The following UGT1A10 variants were observed in gnomAD, a reference collection of about 807,000 sequenced individuals.
The protein encoded by UGT1A10 is UDP-glucuronosyltransferase 1A10.
Under a neutral mutation model 45.8 loss-of-function variants are expected in UGT1A10, and 49 were observed. The ratio of observed to expected loss-of-function variants is 1.07; its 90% confidence interval spans 0.85 to 1.36. UGT1A10 has a LOEUF of 1.36. Among genes scored for constraint, UGT1A10 ranks in the 40% most tolerant of loss-of-function variants. The pLI is 0.00. For synonymous variants in UGT1A10, 284 were observed against 249.7 expected (o/e 1.14, Z -1.29); for missense variants, 745 against 668.6 (o/e 1.11, Z -1.26).
chr2:233,681,363 G>A (rs544380861), intron 1 of UGT1A10, among the ~76,000 whole-genome samples: 13 of 151,672 alleles, frequency 8.6e-5, no homozygotes, highest in South Asian at 2.1e-4. Context: ...GTGAAACCCC[G>A]TCTCCACTAA....
intron 1 of UGT1A10, chr2:233,682,246 A>T: frequency 6.2e-7 from 1 of 1,614,216 alleles, no homozygotes; most frequent in Non-Finnish European, 8.5e-7. Context: ...CACCATTGCG[A>T]AGTGCATTTT....
At chr2:233,717,463 G>T (rs374557809) in intron 1 of UGT1A10, among the ~76,000 whole-genome samples, 2 of 152,198 alleles carry the variant, frequency 1.3e-5, no homozygotes, top group African/African-American at 4.8e-5. Context: ...CCTGTCCCAT[G>T]GGTTGTGTCC....
At chr2:233,757,560 A>ATATATATATATG (rs904896556) in intron 1 of UGT1A10, among the ~76,000 whole-genome samples, 14 of 123,154 alleles carry the variant, frequency 1.1e-4, no homozygotes, top group African/African-American at 4.8e-4. Context: ...ATATATATAT[A>ATATATATATATG]TGTATATATG....
chr2:233,765,443 C>A (rs1381375490), intron 1 of UGT1A10, among the ~76,000 whole-genome samples: 1 of 152,114 alleles, frequency 6.6e-6, no homozygotes, highest in Non-Finnish European at 1.5e-5. Flanking sequence ...GGAATGAGAT[C>A]ATATTCTTTG....
chr2:233,682,234 G>C (rs776939121), intron 1 of UGT1A10: 2 of 1,614,164 alleles, frequency 1.2e-6, no homozygotes, highest in East Asian at 4.5e-5. Context: ...CTCGCTGGAC[G>C]GCACCATTGC....
intron 1 of UGT1A10, among the ~76,000 whole-genome samples, chr2:233,667,688 A>G (rs2074106522): frequency 6.6e-6 from 1 of 152,232 alleles, no homozygotes; most frequent in African/African-American, 2.4e-5. Flanking sequence ...TTTACAAGAA[A>G]AAATCAAACA....
At chr2:233,724,652 A>G (rs1267696968) in intron 1 of UGT1A10, among the ~76,000 whole-genome samples, 1 of 140,816 alleles carries the variant, frequency 7.1e-6, no homozygotes, top group Non-Finnish European at 1.5e-5. Flanking sequence ...GCGGCTGGGA[A>G]GAGGCGCTCC....
chr2:233,770,355 G>C (rs1271934216), intron 4 of UGT1A10: 2 of 152,122 alleles, frequency 1.3e-5, no homozygotes, highest in African/African-American at 4.8e-5. Flanking sequence ...ACTATTGAAT[G>C]AATGAATGAA....
intron 1 of UGT1A10, among the ~76,000 whole-genome samples, chr2:233,650,158 C>A (rs966673229): frequency 6.6e-6 from 1 of 152,064 alleles, no homozygotes; most frequent in African/African-American, 2.4e-5. Flanking sequence ...TTAGTAGAGG[C>A]AGGGTTTCTC....
intron 1 of UGT1A10, among the ~76,000 whole-genome samples, chr2:233,661,754 C>T (rs2073976268): frequency 6.7e-6 from 1 of 149,486 alleles, no homozygotes; most frequent in Admixed American, 6.7e-5. Context: ...CAGTCCTCAA[C>T]CTATGGTACA....
In UGT1A10 at chr2:233,648,301, G is replaced by A. The variant is rs2073653087; in HGVS notation, c.855+10924G>A. 11 of 567,920 alleles carry A rather than the reference G, an allele frequency of 1.9e-5. 1 individual carries two copies. Among genetic ancestry groups the A allele is most frequent in the South Asian group, 1.9e-4 (10 of 53,280 alleles). 35.2% of individuals were successfully genotyped at this position (567,920 alleles called of 1,614,324 possible). ...TCCTTTAGATATGTGTGGCTTAATT[G>A]TTGCCAAATATTTCTCCCTCCTCTC... On this transcript the variant is annotated intron_variant, in intron 1 of 4. Coordinates refer to ENST00000344644, the MANE Select transcript of UGT1A10 (RefSeq NM_019075.4).
intron 1 of UGT1A10, among the ~76,000 whole-genome samples, chr2:233,759,866 G>A (rs1362136524): frequency 6.6e-6 from 1 of 152,108 alleles, no homozygotes; most frequent in African/African-American, 2.4e-5. Flanking sequence ...CGAAAGCGGG[G>A]GTACAGTTGT....
intron 1 of UGT1A10, among the ~76,000 whole-genome samples, chr2:233,676,758 T>C (rs939918603): frequency 6.6e-6 from 1 of 152,174 alleles, no homozygotes; most frequent in South Asian, 2.1e-4. Flanking sequence ...ACTGGGTTTA[T>C]AGACTTTTGG....
chr2:233,723,609 T>C (rs2077104515), intron 1 of UGT1A10, among the ~76,000 whole-genome samples: 1 of 104,888 alleles, frequency 9.5e-6, no homozygotes. Context: ...GGGACAATAG[T>C]GGAGGGAAGG....
rs1201935304 is a variant in UGT1A10 at position 233,769,504 on chromosome 2, G to T, written c.1295+1065G>T. ...GCGTGTGTTTATGAGAGTGTCCATT[G>T]CTTTCTCCCATGGTTACCTCCTTTA... On this transcript the variant is annotated intron_variant, in intron 4 of 4. Transcript: ENST00000344644. This position sits in a 1 kb window ranked among gnomAD's most constrained non-coding sequence, Gnocchi z 4.4. The T allele has an allele frequency of 1.2e-6, 2 of 1,612,732 alleles. No homozygotes were observed. The highest frequency in any genetic ancestry group is 1.7e-4 in the Middle Eastern group (1 of 6,058).
chr2:233,768,207 T>G lies in UGT1A10; in HGVS notation c.1076-13T>G, dbSNP rs1370777582. ...GATGTAACTGCTGACATCCTCCCTA[T>G]TTTGCATCTCAGGTCACCCGATGAC... is the stretch of plus-strand genomic sequence containing the variant. On this transcript the variant is annotated splice_polypyrimidine_tract_variant and intron_variant, in intron 3 of 4. Transcript: ENST00000344644. 6.2e-7 allele frequency: 1 copy of G among 1,614,218 alleles called. No homozygotes were observed. The highest frequency in any genetic ancestry group is 1.1e-5 in the South Asian group (1 of 91,088).
chr2:233,690,425 C>T, intron 1 of UGT1A10: 1 of 1,246,722 alleles, frequency 8.0e-7, no homozygotes, highest in Non-Finnish European at 1.0e-6. Flanking sequence ...CCTTCATGCA[C>T]ATCTTTGGGT....
rs753189550 is a variant in UGT1A10 at position 233,672,277 on chromosome 2, G to A, written c.855+34900G>A. 64 of 1,613,694 alleles carry A rather than the reference G, an allele frequency of 4.0e-5. No individual in the cohort carries two copies. Among genetic ancestry groups the A allele is most frequent in the Non-Finnish European group, 5.0e-5 (59 of 1,179,804 alleles). ...TTCTCTATTAATGGGTTCATACAAT[G>A]ACATTTTTGACTTATTTTTTTCAAA... is the stretch of plus-strand genomic sequence containing the variant. On this transcript the variant is annotated intron_variant, in intron 1 of 4. Coordinates refer to ENST00000344644, the MANE Select transcript of UGT1A10 (RefSeq NM_019075.4).
chr2:233,670,002 T>C (rs969557538), intron 1 of UGT1A10, among the ~76,000 whole-genome samples: 2 of 152,024 alleles, frequency 1.3e-5, no homozygotes, highest in African/African-American at 4.8e-5. Flanking sequence ...AATTTTTGAC[T>C]CCCTAAAAAT....
Sources: allele counts gnomAD v4.1 joint callset (sites outside exome capture counted in the v4.1 genomes callset), GRCh38; gene constraint gnomAD v4.1.1; non-coding constraint Gnocchi (gnomAD v3.1); transcripts MANE v1.5; gene names NCBI Gene and HGNC (gene_info 2026-07-23, HGNC 2026-07-21).